The following SPATA13 variants were observed in gnomAD, a reference collection of about 807,000 sequenced individuals.
SPATA13 encodes spermatogenesis-associated protein 13.
Under a neutral mutation model 104.0 loss-of-function variants are expected in SPATA13, and 50 were observed. That is an observed-to-expected ratio of 0.48 (90% CI 0.38 to 0.61). SPATA13 has a LOEUF of 0.61. SPATA13 is among the 20% of genes least tolerant of loss of function. The pLI is 0.00. For synonymous variants in SPATA13, 606 were observed against 667.5 expected, an observed-to-expected ratio of 0.91 and a Z score of 1.42; for missense variants, 1,524 against 1,690.6, an observed-to-expected ratio of 0.90 and a Z score of 1.73.
chr13:24,302,044 A>G (rs1193778990), intron 12 of SPATA13, among the ~76,000 whole-genome samples: 1 of 152,148 alleles, frequency 6.6e-6, no homozygotes, highest in East Asian at 1.9e-4. Context: ...TGAGCTCCAG[A>G]CTTCCATTTA....
At chr13:24,222,162 G>A (rs1422777256) in intron 1 of SPATA13, among the ~76,000 whole-genome samples, 1 of 152,142 alleles carries the variant, frequency 6.6e-6, no homozygotes, top group Non-Finnish European at 1.5e-5. Flanking sequence ...TCTGCTGTAT[G>A]GCCAGTTGGA....
In SPATA13 at chr13:24,224,049, A is replaced by C. The variant is rs1414919647; in HGVS notation, c.1120A>C (p.Arg374=). The C allele has an allele frequency of 6.5e-7, 1 of 1,549,484 alleles. No homozygotes were observed. The highest frequency in any genetic ancestry group is 8.7e-7 in the Non-Finnish European group (1 of 1,145,888). The change falls in exon 2 of 13, where the codon AGG becomes CGG. Residue 374 remains arginine, a synonymous_variant. Coordinates refer to ENST00000382108, the MANE Select transcript of SPATA13 (RefSeq NM_001166271.3). ...RVSRSTEQDS[R]RGGAVMHGTT... ...CTCCAGGAGCACTGAGCAGGACAGC[A>C]GGCGGGGCGGGGCGGTCATGCATGG... is the stretch of plus-strand genomic sequence containing the variant.
Position 24,011,334 on chromosome 13 carries a change from A to T in SPATA13, c.-146-6333A>T, listed in dbSNP as rs549722337. 1.3e-5 allele frequency among the ~76,000 whole-genome samples: 2 copies of T among 152,078 alleles called. No homozygotes were observed. The highest frequency in any genetic ancestry group is 3.9e-4 in the East Asian group (2 of 5,154). On this transcript the variant is annotated intron_variant, in intron 2 of 14. Coordinates refer to the SPATA13 transcript ENST00000424834. The surrounding 1 kb of genome is among the most constrained non-coding windows in gnomAD (Gnocchi z 4.3). ...CAGTGCCGGCCGGCTTGGCCATCTC[A>T]TGCTGTCTCACGTTCCGCAGCTGGT... is the stretch of plus-strand genomic sequence containing the variant.
At chr13:24,241,818 G>A (rs550244813) in intron 2 of SPATA13, among the ~76,000 whole-genome samples, 1 of 152,310 alleles carries the variant, frequency 6.6e-6, no homozygotes, top group South Asian at 2.1e-4. Flanking sequence ...TTGAGAGGCC[G>A]AGGCGGGAGG....
intron 4 of SPATA13, among the ~76,000 whole-genome samples, chr13:24,262,819 A>C (rs1053192313): frequency 2.0e-5 from 3 of 152,250 alleles, no homozygotes; most frequent in African/African-American, 7.2e-5. Flanking sequence ...TAACTGCACT[A>C]ATCAGTGACT....
chr13:24,024,714 A>G (rs1369892918), intron 3 of SPATA13, among the ~76,000 whole-genome samples: 1 of 151,272 alleles, frequency 6.6e-6, no homozygotes, highest in Non-Finnish European at 1.5e-5. Context: ...TATATGTTAT[A>G]TATATAGTAA....
Position 24,051,564 on chromosome 13 carries a change from G to A in SPATA13, c.-112+33863G>A, listed in dbSNP as rs1878340402. On this transcript the variant is annotated intron_variant, in intron 3 of 14. Coordinates refer to the SPATA13 transcript ENST00000424834. This position sits in a 1 kb window ranked among gnomAD's most constrained non-coding sequence, Gnocchi z 4.2. The stretch of plus-strand genomic sequence containing the variant: ...GGGTGGTCCATAGAAGGAAGCCAGG[G>A]AGTAAATGCTTCCTCCGTCTCCCTG... Among the ~76,000 whole-genome samples the A allele has an allele frequency of 6.6e-6, 1 of 152,146 alleles. No homozygotes were observed. The highest frequency in any genetic ancestry group is 2.4e-5 in the African/African-American group (1 of 41,442).
At chr13:24,118,189 A>G (rs964812319) in intron 3 of SPATA13, among the ~76,000 whole-genome samples, 1 of 152,136 alleles carries the variant, frequency 6.6e-6, no homozygotes, top group African/African-American at 2.4e-5. Context: ...GGTGCTGGGA[A>G]AAAGCACTCT....
At chr13:24,082,805 C>T (rs1054439500) in intron 3 of SPATA13, among the ~76,000 whole-genome samples, 2 of 108,454 alleles carry the variant, frequency 1.8e-5, no homozygotes, top group African/African-American at 3.6e-5. Flanking sequence ...CCGGCCTGGG[C>T]GACAGAGCGA....
chr13:24,160,305 G>C (rs1166766296), upstream of SPATA13, among the ~76,000 whole-genome samples: 1 of 152,118 alleles, frequency 6.6e-6, no homozygotes, highest in Non-Finnish European at 1.5e-5. Context: ...GAGTGCAGTG[G>C]CGCGATCTCG....
At chr13:24,235,613 C>G (rs965639232) in intron 2 of SPATA13, among the ~76,000 whole-genome samples, 1 of 152,052 alleles carries the variant, frequency 6.6e-6, no homozygotes, top group African/African-American at 2.4e-5. Context: ...AATAAAAAGC[C>G]AGGTGTGGTG....
intron 3 of SPATA13, among the ~76,000 whole-genome samples, chr13:24,154,358 G>A (rs1208230698): frequency 6.6e-6 from 1 of 152,170 alleles, no homozygotes; most frequent in Non-Finnish European, 1.5e-5. Flanking sequence ...TGAAAAAAAT[G>A]AACAAGTGTT....
chr13:24,262,860 T>C (rs73465856), intron 4 of SPATA13, among the ~76,000 whole-genome samples: 132 of 152,364 alleles, frequency 8.7e-4, no homozygotes, highest in African/African-American at 3.2e-3. Context: ...GTCTACTTAG[T>C]AAAGTCCCAG....
chr13:24,068,597 A>G (rs1414223131), intron 3 of SPATA13, among the ~76,000 whole-genome samples: 1 of 152,234 alleles, frequency 6.6e-6, no homozygotes, highest in Non-Finnish European at 1.5e-5. Flanking sequence ...TTTCACTGAC[A>G]GTGTATAAGC....
At chr13:24,149,336 T>C (rs550439286) in intron 3 of SPATA13, among the ~76,000 whole-genome samples, 1 of 152,302 alleles carries the variant, frequency 6.6e-6, no homozygotes, top group East Asian at 1.9e-4. Flanking sequence ...CGTTTGTCAT[T>C]CTCTTTATGT....
intron 2 of SPATA13, among the ~76,000 whole-genome samples, chr13:24,004,845 C>G (rs564681492): frequency 6.6e-6 from 1 of 152,192 alleles, no homozygotes; most frequent in Admixed American, 6.5e-5. Context: ...CCTGAGACCC[C>G]CACATTAAAC....
At chr13:24,138,028 T>C (rs888834128) in intron 3 of SPATA13, among the ~76,000 whole-genome samples, 48 of 151,888 alleles carry the variant, frequency 3.2e-4, no homozygotes, top group Non-Finnish European at 6.6e-4. Flanking sequence ...GGGCCAGGCG[T>C]AGTGGCTCGC....
chr13:24,120,609 G>A (rs559685160), intron 3 of SPATA13, among the ~76,000 whole-genome samples: 1 of 152,106 alleles, frequency 6.6e-6, no homozygotes, highest in Non-Finnish European at 1.5e-5. Flanking sequence ...ATGTGAAAAG[G>A]GGGGACAGTA....
intron 3 of SPATA13, among the ~76,000 whole-genome samples, chr13:24,033,300 C>T (rs958418192): frequency 2.0e-5 from 3 of 152,186 alleles, no homozygotes; most frequent in Admixed American, 6.5e-5. Context: ...GCAATCAAGT[C>T]AAGAGGCAGG....
Sources: gnomAD v4.1 joint callset for allele counts (sites outside exome capture counted in the v4.1 genomes callset) on GRCh38, gnomAD v4.1.1 for gene constraint, Gnocchi (gnomAD v3.1) non-coding constraint, MANE v1.5 for transcripts, NCBI Gene and HGNC (gene_info 2026-07-23, HGNC 2026-07-21) for gene names.